KCNMB2: variants seen among roughly 807,000 people sequenced by gnomAD.
KCNMB2 encodes the protein potassium calcium-activated channel subfamily M regulatory beta subunit 2.
A neutral mutation model predicts 24.5 loss-of-function variants in KCNMB2; 9 were observed. The ratio of observed to expected loss-of-function variants is 0.37; its 90% CI spans 0.22 to 0.64. The LOEUF (loss-of-function observed/expected upper bound fraction) is 0.64, where lower values mean the gene tolerates loss of function less well. Among genes scored for constraint, KCNMB2 ranks in the 30% least tolerant of loss-of-function variants. KCNMB2 has a pLI of 0.63. For synonymous variants in KCNMB2, 109 were observed against 104.4 expected, an observed-to-expected ratio of 1.04 and a Z score of -0.27; for missense variants, 226 against 284.3, an observed-to-expected ratio of 0.79 and a Z score of 1.47.
At chr3:178,576,127 C>T (rs573929638) in intron 1 of KCNMB2, among the ~76,000 whole-genome samples, 3 of 152,072 alleles carry the variant, frequency 2.0e-5, no homozygotes, top group South Asian at 4.2e-4. Context: ...GTGATTTCTG[C>T]ATTTGCAACT....
chr3:178,651,363 G>C (rs1454914091), intron 1 of KCNMB2, among the ~76,000 whole-genome samples: 3 of 152,030 alleles, frequency 2.0e-5, no homozygotes, highest in African/African-American at 7.2e-5. Context: ...AACTTACAAG[G>C]GATGTGAAGG....
At chr3:178,831,292 G>A (rs1160459541) in intron 4 of KCNMB2, among the ~76,000 whole-genome samples, 1 of 152,126 alleles carries the variant, frequency 6.6e-6, no homozygotes, top group African/African-American at 2.4e-5. Context: ...CAAAGAAAAA[G>A]GAACGCCTAT....
intron 1 of KCNMB2, among the ~76,000 whole-genome samples, chr3:178,594,345 A>C (rs2108501941): frequency 6.6e-6 from 1 of 152,230 alleles, no homozygotes; most frequent in Admixed American, 6.6e-5. Flanking sequence ...AATTACGAAG[A>C]AATTACATTA....
intron 1 of KCNMB2, among the ~76,000 whole-genome samples, chr3:178,584,089 G>C (rs1717323314): frequency 6.6e-6 from 1 of 152,206 alleles, no homozygotes; most frequent in Non-Finnish European, 1.5e-5. Context: ...GAAGACAAAA[G>C]GCAGCTAGCC....
chr3:178,649,305 A>T (rs953509965), intron 1 of KCNMB2, among the ~76,000 whole-genome samples: 3 of 152,186 alleles, frequency 2.0e-5, no homozygotes, highest in Non-Finnish European at 4.4e-5. Flanking sequence ...ATACTCATAA[A>T]CATCACCTTC....
chr3:178,720,047 G>A (rs1322399321), intron 1 of KCNMB2, among the ~76,000 whole-genome samples: 1 of 151,980 alleles, frequency 6.6e-6, no homozygotes, highest in Non-Finnish European at 1.5e-5. Context: ...AGTTACATAT[G>A]TATACATGTG....
In KCNMB2 at chr3:178,582,182, T is replaced by C. The variant is rs560912025; in HGVS notation, c.-68+45471T>C. On this transcript the variant is annotated intron_variant, in intron 1 of 4. Coordinates refer to ENST00000452583, the MANE Select transcript of KCNMB2 (RefSeq NM_181361.3). ...TACACCATTGAATACTATGCAACCA[T>C]AAAAAAAGGATGAGTTCATGTCCTT... is the stretch of plus-strand genomic sequence containing the variant. Among the ~76,000 whole-genome samples the C allele has an allele frequency of 3.9e-5, 6 of 152,042 alleles. No individual in the cohort carries two copies. In the East Asian group the frequency reaches 9.7e-4, roughly 24 times the overall value.
At chr3:178,762,064 G>A (rs192635537) in intron 1 of KCNMB2, among the ~76,000 whole-genome samples, 28 of 152,118 alleles carry the variant, frequency 1.8e-4, no homozygotes, top group Admixed American at 6.5e-4. Flanking sequence ...CCAGCTACTC[G>A]GGAGGCTGAG....
chr3:178,620,451 T>G (rs1275157463), intron 1 of KCNMB2, among the ~76,000 whole-genome samples: 2 of 152,188 alleles, frequency 1.3e-5, no homozygotes, highest in Admixed American at 6.5e-5. Flanking sequence ...AATTTATCTA[T>G]TACAATTCTT....
At position 178,786,729 on chromosome 3, in the gene KCNMB2, A is replaced by C. The variant is rs548935578; in HGVS notation, c.-67-20614A>C. ...TTGTGCACATGTACCCTAAAACTTA[A>C]AGTATAATAATAAAGTAAAAAAACT... On this transcript the variant is annotated intron_variant, in intron 1 of 4. Coordinates refer to ENST00000452583, the MANE Select transcript of KCNMB2 (RefSeq NM_181361.3). Among the ~76,000 whole-genome samples, 160 of 152,252 alleles carry C rather than the reference A, an allele frequency of 1.1e-3. 5 individuals carry two copies. In the South Asian group the frequency reaches 0.032, roughly 31 times the overall value.
intron 1 of KCNMB2, among the ~76,000 whole-genome samples, chr3:178,611,013 T>C (rs949110056): frequency 3.3e-5 from 5 of 152,236 alleles, no homozygotes; most frequent in African/African-American, 1.2e-4. Flanking sequence ...TTTGGAAGTA[T>C]TCGCTCCTCC....
chr3:178,703,966 G>T (rs566722210), intron 1 of KCNMB2, among the ~76,000 whole-genome samples: 2 of 152,270 alleles, frequency 1.3e-5, no homozygotes, highest in African/African-American at 4.8e-5. Flanking sequence ...AGTCAGGTCT[G>T]TGGTGAATCT....
chr3:178,776,502 G>T (rs1274519928), intron 1 of KCNMB2, among the ~76,000 whole-genome samples: 1 of 152,058 alleles, frequency 6.6e-6, no homozygotes, highest in Non-Finnish European at 1.5e-5. Flanking sequence ...ATGATCGAGT[G>T]GCTGACTCCC....
At position 178,804,259 on chromosome 3, in the gene KCNMB2, G is replaced by A. The variant is rs372704993; in HGVS notation, c.-67-3084G>A. Among the ~76,000 whole-genome samples, 51 of 152,234 alleles carry A rather than the reference G, an allele frequency of 3.4e-4. 1 individual carries two copies. In the South Asian group the frequency reaches 0.01, roughly 31 times the overall value. ...GAATTAATATCTTAAGGAGTTCAGG[G>A]GGGCTGTCTTTGAGCTGGGAAAGAA... On this transcript the variant is annotated intron_variant, in intron 1 of 4. Transcript: ENST00000452583.
intron 1 of KCNMB2, among the ~76,000 whole-genome samples, chr3:178,636,440 AT>A (rs1197277794): frequency 2.0e-5 from 3 of 152,252 alleles, no homozygotes; most frequent in Non-Finnish European, 2.9e-5. Context: ...CATTAAAAAA[AT>A]CTCTTCAACT....
chr3:178,730,381 T>A (rs949879845), intron 1 of KCNMB2, among the ~76,000 whole-genome samples: 2 of 67,958 alleles, frequency 2.9e-5, no homozygotes, highest in African/African-American at 2.1e-4. Context: ...CTTTCCTTTA[T>A]CTTTGTCACT....
Position 178,757,675 on chromosome 3 carries a change from C to A in KCNMB2, c.-67-49668C>A, listed in dbSNP as rs1172596509. ...GGATATATATATATGTATATATATC[C>A]AAGAGGATATATATATGTATATATA... is the stretch of plus-strand genomic sequence containing the variant. On this transcript the variant is annotated intron_variant, in intron 1 of 4. Transcript: ENST00000452583. Among the ~76,000 whole-genome samples the A allele has an allele frequency of 1.6e-4, 4 of 24,412 alleles. 1 individual carries two copies. The highest frequency in any genetic ancestry group is 2.4e-4 in the Non-Finnish European group (3 of 12,760). 16.0% of individuals were successfully genotyped at this position (24,412 alleles called of 152,430 possible). A position where few individuals can be genotyped will look rare whatever the true frequency, so the allele number is the denominator to read the frequency against.
intron 1 of KCNMB2, among the ~76,000 whole-genome samples, chr3:178,699,882 G>T (rs1722023291): frequency 6.6e-6 from 1 of 152,228 alleles, no homozygotes; most frequent in South Asian, 2.1e-4. Context: ...GTGGTCGAGG[G>T]TTCCCCTCCT....
intron 1 of KCNMB2, among the ~76,000 whole-genome samples, chr3:178,589,280 G>C (rs1717574571): frequency 6.6e-6 from 1 of 152,172 alleles, no homozygotes; most frequent in South Asian, 2.1e-4. Flanking sequence ...TAAAATCACT[G>C]AATTTTGTTA....
Sources: allele counts gnomAD v4.1 joint callset (sites outside exome capture counted in the v4.1 genomes callset), GRCh38; gene constraint gnomAD v4.1.1; transcripts MANE v1.5; gene names NCBI Gene and HGNC (gene_info 2026-07-23, HGNC 2026-07-21).